Variants in RTF1 observed in about 807,000 individuals in gnomAD.
The protein encoded by RTF1 is RNA polymerase-associated protein RTF1 homolog.
Under a neutral mutation model 95.7 loss-of-function variants are expected in RTF1, and 10 were observed. The observed-to-expected ratio is 0.10, with a 90% confidence interval of 0.06 to 0.18. RTF1 has a LOEUF of 0.18. Ranked by LOEUF, RTF1 falls within the 10% of genes least tolerant of loss-of-function variation. The pLI is 1.00. For synonymous variants in RTF1, 305 were observed against 311.8 expected, an observed-to-expected ratio of 0.98 and a Z score of 0.23; for missense variants, 458 against 875.6, an observed-to-expected ratio of 0.52 and a Z score of 6.02.
chr15:41,418,851 AT>A (rs2050585643), intron 1 of RTF1, among the ~76,000 whole-genome samples: 1 of 151,078 alleles, frequency 6.6e-6, no homozygotes, highest in South Asian at 2.1e-4. Flanking sequence ...AGGACTTTTT[AT>A]TTATTTATTT....
intron 4 of RTF1, among the ~76,000 whole-genome samples, chr15:41,462,135 T>C (rs1353079994): frequency 1.3e-5 from 2 of 152,046 alleles, no homozygotes; most frequent in African/African-American, 2.4e-5. Flanking sequence ...TCATAGAAAA[T>C]TGATATTTTA....
intron 1 of RTF1, among the ~76,000 whole-genome samples, chr15:41,435,176 G>A (rs904730222): frequency 6.6e-6 from 1 of 152,020 alleles, no homozygotes; most frequent in Admixed American, 6.6e-5. Context: ...CAAAACAGGA[G>A]TACTAGTGTA....
rs374509885 is a variant in RTF1, at chr15:41,465,532, T to G, written c.778-609T>G. Among the ~76,000 whole-genome samples the G allele has an allele frequency of 2.4e-3, 372 of 152,106 alleles. 1 individual carries two copies. Among genetic ancestry groups the G allele is most frequent in the African/African-American group, 8.5e-3 (353 of 41,502 alleles). ...GGCTTATGCCTTTAATCCCAGCTAC[T>G]CGGGGGGCTGAGGCACAAGAATTGC... On this transcript the variant is annotated intron_variant, in intron 5 of 17. Coordinates refer to ENST00000389629, the MANE Select transcript of RTF1 (RefSeq NM_015138.5).
At chr15:41,450,563 C>T (rs541890981) in intron 2 of RTF1, among the ~76,000 whole-genome samples, 10 of 145,688 alleles carry the variant, frequency 6.9e-5, no homozygotes, top group South Asian at 2.2e-4. Flanking sequence ...CCAGCCTGGA[C>T]GACAGAGTGA....
intron 4 of RTF1, among the ~76,000 whole-genome samples, chr15:41,460,121 G>GTTT (rs869235078): frequency 2.4e-5 from 2 of 83,450 alleles, no homozygotes; most frequent in East Asian, 5.6e-4. Flanking sequence ...TTTTGTTTTT[G>GTTT]TTTTTTTTTT....
rs559046837 is a variant in RTF1 at position 41,472,356 on chromosome 15, G to A, written c.1203+1007G>A. ...CGAGTAGCTAGTGTTACAGGCACCC[G>A]CCACCGTGCCTGGCTACTGTTTGTA... On this transcript the variant is annotated intron_variant, in intron 8 of 17. Transcript: ENST00000389629. 7.2e-4 allele frequency among the ~76,000 whole-genome samples: 108 copies of A among 149,520 alleles called. 4 individuals are homozygous for A. The highest frequency in any genetic ancestry group is 6.3e-3 in the Admixed American group (94 of 14,860).
chr15:41,417,710 A>G (rs186884292), intron 1 of RTF1, among the ~76,000 whole-genome samples: 5 of 152,306 alleles, frequency 3.3e-5, no homozygotes, highest in Admixed American at 2.6e-4. Flanking sequence ...AGGAGGTGCA[A>G]GGGTGCGCGT....
At chr15:41,464,906 C>T (rs1356255374) in intron 5 of RTF1, 21 bp downstream of exon 5, 2 of 1,516,420 alleles carry the variant, frequency 1.3e-6, no homozygotes, top group East Asian at 2.5e-5. Flanking sequence ...CAGTGTTCCT[C>T]ATTGTCCAAA....
intron 3 of RTF1, 56 bp downstream of exon 3, chr15:41,453,104 G>T: frequency 6.9e-7 from 1 of 1,452,348 alleles, no homozygotes; most frequent in Admixed American, 2.4e-5. Flanking sequence ...CAGCTTGAAG[G>T]TGCAAAGGCA....
chr15:41,452,414 G>T (rs2050793476), intron 2 of RTF1, among the ~76,000 whole-genome samples: 1 of 151,816 alleles, frequency 6.6e-6, no homozygotes, highest in African/African-American at 2.4e-5. Flanking sequence ...TCTAGCCTGG[G>T]TGACAGAGCG....
Position 41,420,758 on chromosome 15 carries a change from T to C in RTF1, c.198+3445T>C, listed in dbSNP as rs149152139. 2.6e-5 allele frequency among the ~76,000 whole-genome samples: 4 copies of C among 152,244 alleles called. No individual in the cohort carries two copies. In the East Asian group the frequency reaches 5.8e-4, roughly 22 times the overall value. On this transcript the variant is annotated intron_variant, in intron 1 of 17. Transcript: ENST00000389629. ...TTTTTCCTGGTGGTAGGGGCAGACC[T>C]CTGTGTCAGAAGCCACCTGGGTTGC... is the stretch of plus-strand genomic sequence containing the variant.
At chr15:41,477,055 C>G in intron 12 of RTF1, 110 bp from the exon 13 acceptor site, 1 of 1,371,006 alleles carries the variant, frequency 7.3e-7, no homozygotes, top group Admixed American at 1.7e-5. Flanking sequence ...ATCTCCTGTC[C>G]TTTGCTCACC....
At chr15:41,442,841 G>A (rs1020393402) in intron 2 of RTF1, among the ~76,000 whole-genome samples, 4 of 152,116 alleles carry the variant, frequency 2.6e-5, no homozygotes, top group Middle Eastern at 3.2e-3. Context: ...GGCCGAGAAC[G>A]CTCCACTATA....
At chr15:41,434,492 A>G (rs2050691931) in intron 1 of RTF1, among the ~76,000 whole-genome samples, 1 of 152,168 alleles carries the variant, frequency 6.6e-6, no homozygotes, top group African/African-American at 2.4e-5. Context: ...GGGACAGAAA[A>G]CAGGTCTCTG....
chr15:41,438,914 A>G (rs1300658702), intron 2 of RTF1, among the ~76,000 whole-genome samples: 1 of 150,606 alleles, frequency 6.6e-6, no homozygotes, highest in Non-Finnish European at 1.5e-5. Context: ...TGTTCATTGT[A>G]CTGCTAGTTA....
At chr15:41,472,937 G>A (rs1236229900) in intron 8 of RTF1, among the ~76,000 whole-genome samples, 1 of 151,732 alleles carries the variant, frequency 6.6e-6, no homozygotes, top group African/African-American at 2.4e-5. Context: ...TCCTAACCTC[G>A]TGATCCGCCC....
intron 3 of RTF1, among the ~76,000 whole-genome samples, chr15:41,456,591 G>A (rs990248629): frequency 6.6e-6 from 1 of 151,626 alleles, no homozygotes; most frequent in African/African-American, 2.4e-5. Context: ...GAGGTCAGGA[G>A]TTCAAGACCA....
At chr15:41,472,197 TTTTA>T (rs1340954797) in intron 8 of RTF1, among the ~76,000 whole-genome samples, 2 of 150,106 alleles carry the variant, frequency 1.3e-5, no homozygotes, top group Admixed American at 6.7e-5. Flanking sequence ...CTATTTTTAT[TTTTA>T]TTTATTTGTT....
At chr15:41,467,087 C>T (rs2050884437) in intron 6 of RTF1, among the ~76,000 whole-genome samples, 1 of 152,266 alleles carries the variant, frequency 6.6e-6, no homozygotes, top group African/African-American at 2.4e-5. Context: ...TTAGCTCTTA[C>T]CACAATAATG....
Sources: allele counts gnomAD v4.1 joint callset (sites outside exome capture counted in the v4.1 genomes callset), GRCh38; gene constraint gnomAD v4.1.1; transcripts MANE v1.5; gene names NCBI Gene and HGNC (gene_info 2026-07-23, HGNC 2026-07-21).